Variants in MTHFD1L observed in about 807,000 individuals in gnomAD.
MTHFD1L encodes the protein monofunctional C1-tetrahydrofolate synthase, mitochondrial.
In MTHFD1L, 81 loss-of-function variants were observed where a neutral mutation model predicts 119.5. The observed-to-expected ratio is 0.68, with a 90% CI of 0.57 to 0.82. The LOEUF is 0.82. Ranked by LOEUF, MTHFD1L falls within the 40% of genes least tolerant of loss-of-function variation. The pLI, the probability that MTHFD1L is intolerant of heterozygous loss-of-function variation, is 0.00. For synonymous variants in MTHFD1L, 430 were observed against 475.2 expected (o/e 0.90, Z 1.24); for missense variants, 1,125 against 1,253.4 (o/e 0.90, Z 1.55).
At chr6:150,888,144 A>G (rs2128778708) in intron 7 of MTHFD1L, among the ~76,000 whole-genome samples, 163 bp downstream of exon 7, 1 of 152,372 alleles carries the variant, frequency 6.6e-6, no homozygotes, top group African/African-American at 2.4e-5. Flanking sequence ...CCAGACAAAC[A>G]AACAAGAAAA....
intron 1 of MTHFD1L, among the ~76,000 whole-genome samples, chr6:150,867,794 CTTTTTTTTTTT>C (rs35396368): frequency 8.6e-6 from 1 of 115,938 alleles, no homozygotes; most frequent in South Asian, 2.8e-4. Flanking sequence ...CATACATATT[CTTTTTTTTTTT>C]TTTTTTTTTT....
chr6:151,044,564 G>C (rs1251541238), intron 26 of MTHFD1L, among the ~76,000 whole-genome samples: 1 of 152,048 alleles, frequency 6.6e-6, no homozygotes, highest in African/African-American at 2.4e-5. Context: ...GCCTCCCAAA[G>C]TGCTGGGATT....
At chr6:150,983,726 A>C (rs186889112) in intron 20 of MTHFD1L, among the ~76,000 whole-genome samples, 118 of 152,308 alleles carry the variant, frequency 7.7e-4, no homozygotes, top group African/African-American at 2.7e-3. Flanking sequence ...TCATAAAAGA[A>C]GTTTCCTTGG....
intron 15 of MTHFD1L, among the ~76,000 whole-genome samples, chr6:150,947,108 T>TTG (rs1283737185): frequency 2.0e-5 from 3 of 146,944 alleles, no homozygotes; most frequent in Non-Finnish European, 3.0e-5. Flanking sequence ...AATCACTATT[T>TTG]TGTGTGTGTG....
In MTHFD1L at chr6:151,015,899, C is replaced by A. The variant is rs147219115; in HGVS notation, c.2586+206C>A. ...GTCAGGAGTTCGAGACCAGCCTGGCCAACATAGAGAAACCCCATCTCTACT... is the reference window on the plus strand; with the variant it reads ...GTCAGGAGTTCGAGACCAGCCTGGCAAACATAGAGAAACCCCATCTCTACT... On this transcript the variant is annotated intron_variant, in intron 24 of 27. Coordinates refer to ENST00000367321, the MANE Select transcript of MTHFD1L (RefSeq NM_015440.5). 1.6e-3 allele frequency among the ~76,000 whole-genome samples: 244 copies of A among 152,188 alleles called. 1 individual carries two copies. The highest frequency in any genetic ancestry group is 5.7e-3 in the African/African-American group (235 of 41,508).
At chr6:150,957,349 TG>T (rs1282913091) in intron 17 of MTHFD1L, among the ~76,000 whole-genome samples, 1 of 152,140 alleles carries the variant, frequency 6.6e-6, no homozygotes, top group Non-Finnish European at 1.5e-5. Context: ...CCTAGGAGCT[TG>T]TCAAGTGAAA....
At chr6:150,869,945 T>A (rs1779118182) in intron 1 of MTHFD1L, among the ~76,000 whole-genome samples, 1 of 151,840 alleles carries the variant, frequency 6.6e-6, no homozygotes, top group African/African-American at 2.4e-5. Flanking sequence ...AATTTTTGTA[T>A]TTTTAGTAGA....
At chr6:151,012,530 A>G (rs904240858) in intron 21 of MTHFD1L, among the ~76,000 whole-genome samples, 5 of 151,950 alleles carry the variant, frequency 3.3e-5, no homozygotes, top group Non-Finnish European at 4.4e-5. Flanking sequence ...GAATTTGCCC[A>G]TTTTAAATTT....
intron 16 of MTHFD1L, among the ~76,000 whole-genome samples, chr6:150,950,675 TG>T: frequency 6.6e-6 from 1 of 152,176 alleles, no homozygotes; most frequent in Admixed American, 6.5e-5. Flanking sequence ...TTTTGTTTGT[TG>T]TTATTTTGAG....
chr6:151,073,958 A>G (rs1446597822), intron 26 of MTHFD1L, among the ~76,000 whole-genome samples: 1 of 152,208 alleles, frequency 6.6e-6, no homozygotes, highest in African/African-American at 2.4e-5. Context: ...AAACTCATAC[A>G]TTCAAAAAAA....
intron 20 of MTHFD1L, chr6:150,985,031 A>G (rs1386024584): frequency 5.3e-5 from 8 of 152,042 alleles, no homozygotes; most frequent in Admixed American, 1.3e-4. Flanking sequence ...TCCAATACCT[A>G]CCTCCAGGCT....
chr6:151,048,233 T>C (rs1306059165), intron 26 of MTHFD1L, among the ~76,000 whole-genome samples: 1 of 152,028 alleles, frequency 6.6e-6, no homozygotes, highest in Non-Finnish European at 1.5e-5. Context: ...TACCAGAATA[T>C]ACTCACCCAC....
At chr6:151,002,895 CG>C (rs1268983266) in intron 20 of MTHFD1L, among the ~76,000 whole-genome samples, 1 of 152,080 alleles carries the variant, frequency 6.6e-6, no homozygotes. Context: ...TCCTTGTTGG[CG>C]GGGGGAGGGT....
At chr6:151,094,926 C>T (rs1794771619) in intron 27 of MTHFD1L, among the ~76,000 whole-genome samples, 1 of 152,164 alleles carries the variant, frequency 6.6e-6, no homozygotes, top group Admixed American at 6.5e-5. Context: ...TGAGCCACCT[C>T]GTCTGGCCAA....
chr6:150,935,297 G>A, intron 11 of MTHFD1L: 1 of 1,611,912 alleles, frequency 6.2e-7, no homozygotes, highest in Non-Finnish European at 8.5e-7. Flanking sequence ...GATGGAAGAA[G>A]CCAAAACTGA....
intron 9 of MTHFD1L, 138 bp from the exon 10 acceptor site, chr6:150,922,067 T>A (rs1035723657): frequency 1.5e-6 from 1 of 647,928 alleles, no homozygotes; most frequent in Non-Finnish European, 2.8e-6. Flanking sequence ...ATAAAAATAT[T>A]CCTAATATCC....
chr6:151,057,259 C>G, intron 26 of MTHFD1L: 1 of 984,912 alleles, frequency 1.0e-6, no homozygotes, highest in South Asian at 4.7e-5. Context: ...TCATGTTCTT[C>G]GCTGAAATCA....
intron 20 of MTHFD1L, among the ~76,000 whole-genome samples, chr6:151,005,739 A>C (rs1325754730): frequency 6.6e-6 from 1 of 152,100 alleles, no homozygotes; most frequent in African/African-American, 2.4e-5. Context: ...GTGCCATTGC[A>C]CTCCAGCCTG....
chr6:150,882,996 T>G, intron 5 of MTHFD1L, 110 bp downstream of exon 5: 2 of 1,104,388 alleles, frequency 1.8e-6, no homozygotes, highest in South Asian at 3.4e-5. Flanking sequence ...TGTCAGTAAT[T>G]GGATAAAAAA....
Sources: allele counts gnomAD v4.1 joint callset (sites outside exome capture counted in the v4.1 genomes callset), GRCh38; gene constraint gnomAD v4.1.1; transcripts MANE v1.5; gene names NCBI Gene and HGNC (gene_info 2026-07-23, HGNC 2026-07-21).